Variants in GRIA4 observed in about 807,000 individuals in gnomAD.
The protein encoded by GRIA4 is glutamate receptor 4.
Under a neutral mutation model 104.0 loss-of-function variants are expected in GRIA4, and 34 were observed. That is an observed-to-expected ratio of 0.33 (90% CI 0.25 to 0.44). The LOEUF (loss-of-function observed/expected upper bound fraction) is 0.44. GRIA4 is among the 20% of genes least tolerant of loss of function. The probability of loss-of-function intolerance (pLI) is 1.00; values close to 1 mark genes in which losing one functional copy is unlikely to be tolerated. For synonymous variants in GRIA4, 386 were observed against 381.9 expected (o/e 1.01, Z -0.13); for missense variants, 750 against 1,096.5 (o/e 0.68, Z 4.46).
intron 3 of GRIA4, among the ~76,000 whole-genome samples, chr11:105,731,979 A>G (rs1938623988): frequency 6.6e-6 from 1 of 152,190 alleles, no homozygotes; most frequent in Non-Finnish European, 1.5e-5. Context: ...TACCTATGCA[A>G]CAAACCTGCA....
At chr11:105,924,790 G>A (rs778133644) in intron 12 of GRIA4, 21 bp downstream of exon 12, 1 of 1,528,450 alleles carries the variant, frequency 6.5e-7, no homozygotes, top group Non-Finnish European at 8.9e-7. Context: ...AATCTCTTAA[G>A]TTCTTCACTG....
At chr11:105,807,438 T>C (rs1289382378) in intron 4 of GRIA4, among the ~76,000 whole-genome samples, 2 of 151,848 alleles carry the variant, frequency 1.3e-5, no homozygotes, top group Non-Finnish European at 2.9e-5. Flanking sequence ...ACTTACACAT[T>C]TAGAAATTTA....
At chr11:105,974,610 T>A in intron 16 of GRIA4, 166 bp downstream of exon 16, 1 of 1,544,856 alleles carries the variant, frequency 6.5e-7, no homozygotes, top group Non-Finnish European at 8.9e-7. Flanking sequence ...GTGAACGCAG[T>A]GTTGTGACCT....
intron 4 of GRIA4, among the ~76,000 whole-genome samples, chr11:105,815,399 T>C (rs1230311619): frequency 6.6e-6 from 1 of 152,126 alleles, no homozygotes; most frequent in African/African-American, 2.4e-5. Flanking sequence ...GAAGTGTTGA[T>C]AGTTAAGACT....
chr11:105,664,488 A>G (rs1336564041), intron 3 of GRIA4, among the ~76,000 whole-genome samples: 2 of 151,816 alleles, frequency 1.3e-5, no homozygotes, highest in Admixed American at 6.6e-5. Flanking sequence ...GGAAAATGAC[A>G]TAATTTCATG....
intron 3 of GRIA4, among the ~76,000 whole-genome samples, chr11:105,681,971 G>C (rs893979968): frequency 5.3e-5 from 8 of 152,140 alleles, no homozygotes; most frequent in African/African-American, 1.9e-4. Context: ...GAGCCTGGGA[G>C]GCAGAGTTTG....
intron 5 of GRIA4, among the ~76,000 whole-genome samples, chr11:105,876,291 A>G (rs1945817895): frequency 6.6e-6 from 1 of 151,906 alleles, no homozygotes; most frequent in South Asian, 2.1e-4. Flanking sequence ...GTTTGTTATG[A>G]TTTTTGTTCT....
chr11:105,853,265 T>C (rs1241948333), intron 4 of GRIA4, among the ~76,000 whole-genome samples: 1 of 152,172 alleles, frequency 6.6e-6, no homozygotes, highest in African/African-American at 2.4e-5. Context: ...CTTTCTGAAA[T>C]GAATTTCACA....
At chr11:105,824,136 C>A (rs760928755) in intron 4 of GRIA4, among the ~76,000 whole-genome samples, 4 of 152,076 alleles carry the variant, frequency 2.6e-5, no homozygotes, top group Non-Finnish European at 4.4e-5. Flanking sequence ...CTGTTTAAGT[C>A]ATCCAGGCTG....
chr11:105,661,098 G>A (rs1436197616), intron 3 of GRIA4, among the ~76,000 whole-genome samples: 1 of 151,488 alleles, frequency 6.6e-6, no homozygotes, highest in African/African-American at 2.4e-5. Flanking sequence ...TGGAAGATGA[G>A]ATATTTTCTA....
chr11:105,724,664 A>G (rs1481777529), intron 3 of GRIA4, among the ~76,000 whole-genome samples: 1 of 152,124 alleles, frequency 6.6e-6, no homozygotes, highest in Non-Finnish European at 1.5e-5. Context: ...GGATGGTGAT[A>G]AGAAATTACT....
At chr11:105,859,264 A>G (rs1945130321) in intron 4 of GRIA4, among the ~76,000 whole-genome samples, 1 of 152,194 alleles carries the variant, frequency 6.6e-6, no homozygotes, top group South Asian at 2.1e-4. Context: ...ATTTTAGCCA[A>G]GCTCTGAAAC....
chr11:105,857,222 A>G (rs1945039699), intron 4 of GRIA4, among the ~76,000 whole-genome samples: 1 of 152,138 alleles, frequency 6.6e-6, no homozygotes, highest in Non-Finnish European at 1.5e-5. Flanking sequence ...GTGGCATTAA[A>G]TGCAGTGAGG....
chr11:105,948,529 C>A (rs922006027), intron 14 of GRIA4, among the ~76,000 whole-genome samples: 8 of 148,306 alleles, frequency 5.4e-5, no homozygotes, highest in South Asian at 4.3e-4. Context: ...TTATATTATT[C>A]TAAGAAGTAA....
chr11:105,715,147 C>T (rs2135558802), intron 3 of GRIA4, among the ~76,000 whole-genome samples: 1 of 152,306 alleles, frequency 6.6e-6, no homozygotes, highest in Middle Eastern at 3.4e-3. Flanking sequence ...AAACAGCAAT[C>T]ACTTATTTGC....
chr11:105,690,020 C>T (rs2135490986), intron 3 of GRIA4, among the ~76,000 whole-genome samples: 1 of 152,292 alleles, frequency 6.6e-6, no homozygotes, highest in Non-Finnish European at 1.5e-5. Context: ...TAGCTAACTC[C>T]CTTATCTAGG....
At chr11:105,949,705 T>C (rs1045675577) in intron 14 of GRIA4, among the ~76,000 whole-genome samples, 1 of 152,226 alleles carries the variant, frequency 6.6e-6, no homozygotes, top group African/African-American at 2.4e-5. Flanking sequence ...TGGAAAATGT[T>C]AAGAAATTCA....
intron 4 of GRIA4, among the ~76,000 whole-genome samples, chr11:105,813,247 A>G (rs1187923330): frequency 6.6e-6 from 1 of 152,118 alleles, no homozygotes; most frequent in Non-Finnish European, 1.5e-5. Flanking sequence ...AAGGAAGAGG[A>G]ATCATAAAAC....
At chr11:105,938,059 C>G (rs117965507) in intron 14 of GRIA4, among the ~76,000 whole-genome samples, 2,245 of 152,086 alleles carry the variant, frequency 0.015, 30 homozygotes, top group Middle Eastern at 0.031. Flanking sequence ...AACTACTGGC[C>G]TCATAAGACA....
Sources: allele counts gnomAD v4.1 joint callset (sites outside exome capture counted in the v4.1 genomes callset), GRCh38; gene constraint gnomAD v4.1.1; transcripts MANE v1.5; gene names NCBI Gene and HGNC (gene_info 2026-07-23, HGNC 2026-07-21).